The following OXR1 variants were observed in gnomAD, a reference collection of about 807,000 sequenced individuals.
The protein encoded by OXR1 is oxidation resistance protein 1.
Under a neutral mutation model 104.6 loss-of-function variants are expected in OXR1, and 41 were observed. The ratio of observed to expected loss-of-function variants is 0.39; its 90% CI spans 0.31 to 0.51. The LOEUF is 0.51. Among genes scored for constraint, OXR1 ranks in the 20% least tolerant of loss-of-function variants. The pLI is 0.77. For missense variants in OXR1, 955 were observed against 1,031.9 expected, an observed-to-expected ratio of 0.93 and a Z score of 1.02; for synonymous variants, 348 against 348.4, an observed-to-expected ratio of 1.00 and a Z score of 0.01.
At chr8:106,436,026 A>AT (rs1339616085) in intron 2 of OXR1, among the ~76,000 whole-genome samples, 4 of 152,036 alleles carry the variant, frequency 2.6e-5, no homozygotes, top group South Asian at 4.2e-4. Context: ...TCCACTTCAC[A>AT]TTTTTTTTCC....
chr8:106,647,864 T>C (rs1342890320), intron 3 of OXR1, among the ~76,000 whole-genome samples: 1 of 152,210 alleles, frequency 6.6e-6, no homozygotes, highest in Non-Finnish European at 1.5e-5. Context: ...TATTTTTTCA[T>C]TTTGTTCTTT....
intron 2 of OXR1, among the ~76,000 whole-genome samples, chr8:106,460,234 T>C (rs757137810): frequency 4.9e-4 from 74 of 152,322 alleles, no homozygotes; most frequent in Non-Finnish European, 8.5e-4. Context: ...AGAATCTCTT[T>C]ACACCTAGAA....
intron 3 of OXR1, among the ~76,000 whole-genome samples, chr8:106,583,212 C>T (rs531528341): frequency 6.6e-6 from 1 of 152,230 alleles, no homozygotes; most frequent in Admixed American, 6.5e-5. Context: ...ATTCCACTGA[C>T]TCGTGACTCT....
At chr8:106,576,474 A>AAG (rs1293222022) in intron 3 of OXR1, among the ~76,000 whole-genome samples, 1 of 149,824 alleles carries the variant, frequency 6.7e-6, no homozygotes, top group African/African-American at 2.5e-5. Context: ...TTCAAAAAAA[A>AAG]AAAAAAAAAA....
At chr8:106,297,620 T>C (rs1366681670) in intron 1 of OXR1, among the ~76,000 whole-genome samples, 2 of 152,198 alleles carry the variant, frequency 1.3e-5, no homozygotes, top group African/African-American at 4.8e-5. Flanking sequence ...AAACACAGTA[T>C]TATAATCTTA....
chr8:106,355,080 C>T (rs1815907781), intron 1 of OXR1, among the ~76,000 whole-genome samples: 1 of 151,906 alleles, frequency 6.6e-6, no homozygotes, highest in African/African-American at 2.4e-5. Context: ...AATGAGTGAC[C>T]TAAAGAGAAC....
At chr8:106,317,305 T>C (rs2130163266) in intron 1 of OXR1, among the ~76,000 whole-genome samples, 1 of 152,326 alleles carries the variant, frequency 6.6e-6, no homozygotes, top group South Asian at 2.1e-4. Flanking sequence ...TGTTTAGGGT[T>C]AGGATTTCCA....
At chr8:106,278,638 G>A (rs1327208660) in intron 1 of OXR1, among the ~76,000 whole-genome samples, 1 of 152,094 alleles carries the variant, frequency 6.6e-6, no homozygotes, top group Non-Finnish European at 1.5e-5. Flanking sequence ...AATGGACTAA[G>A]GATGCTTTCT....
intron 16 of OXR1, among the ~76,000 whole-genome samples, chr8:106,747,169 T>C (rs764885300): frequency 1.4e-4 from 22 of 152,168 alleles, no homozygotes; most frequent in Non-Finnish European, 2.8e-4. Flanking sequence ...CCAATAGACA[T>C]GATTCAGATT....
chr8:106,606,406 T>A (rs1387814915), intron 3 of OXR1, among the ~76,000 whole-genome samples: 1 of 151,790 alleles, frequency 6.6e-6, no homozygotes, highest in South Asian at 2.1e-4. Flanking sequence ...GTCCAAGTGA[T>A]TTTCCTTCCT....
At chr8:106,710,980 A>T (rs1424652746) in intron 10 of OXR1, among the ~76,000 whole-genome samples, 190 bp downstream of exon 10, 1 of 152,056 alleles carries the variant, frequency 6.6e-6, no homozygotes, top group Non-Finnish European at 1.5e-5. Flanking sequence ...TCCCTTTTGT[A>T]GTTTATTATT....
At chr8:106,597,195 G>A (rs1308478555) in intron 3 of OXR1, among the ~76,000 whole-genome samples, 2 of 152,134 alleles carry the variant, frequency 1.3e-5, no homozygotes, top group Non-Finnish European at 2.9e-5. Context: ...ACCCCAAGAC[G>A]ATGCTGTTCA....
At chr8:106,272,556 G>A (rs1185267049) in intron 1 of OXR1, 1 of 152,222 alleles carries the variant, frequency 6.6e-6, no homozygotes, top group Non-Finnish European at 1.5e-5. Flanking sequence ...AACTGTTGGG[G>A]ACAGTGGCAC....
At chr8:106,270,699 C>A (rs1276012428) in intron 1 of OXR1, among the ~76,000 whole-genome samples, 3 of 149,044 alleles carry the variant, frequency 2.0e-5, no homozygotes, top group African/African-American at 2.6e-5. Context: ...GCGCGGGAGC[C>A]CGGCCAGGGA....
intron 2 of OXR1, among the ~76,000 whole-genome samples, chr8:106,455,268 A>T (rs1276574367): frequency 6.6e-6 from 1 of 152,246 alleles, no homozygotes; most frequent in East Asian, 1.9e-4. Flanking sequence ...ACAAATAAAA[A>T]GCTCACTAAC....
chr8:106,684,043 C>G (rs575188607), intron 5 of OXR1, among the ~76,000 whole-genome samples: 2 of 152,208 alleles, frequency 1.3e-5, no homozygotes, highest in South Asian at 4.1e-4. Flanking sequence ...TTTCCTCACC[C>G]TATTCCAGCC....
intron 3 of OXR1, chr8:106,658,236 T>C: frequency 8.1e-7 from 1 of 1,230,246 alleles, no homozygotes. Flanking sequence ...GGCTGAGGGC[T>C]GTGGGGAGGC....
chr8:106,570,416 A>T (rs772358622), intron 3 of OXR1, among the ~76,000 whole-genome samples: 107 of 152,314 alleles, frequency 7.0e-4, no homozygotes, highest in Non-Finnish European at 8.4e-4. Flanking sequence ...GAAGTAACCA[A>T]CATGAACGAT....
At chr8:106,300,329 C>T (rs936401091) in intron 1 of OXR1, among the ~76,000 whole-genome samples, 1 of 151,898 alleles carries the variant, frequency 6.6e-6, no homozygotes, top group African/African-American at 2.4e-5. Context: ...TAATTTGAGT[C>T]CTGCATTTCC....
Sources: gnomAD v4.1 joint callset for allele counts (sites outside exome capture counted in the v4.1 genomes callset) on GRCh38, gnomAD v4.1.1 for gene constraint, MANE v1.5 for transcripts, NCBI Gene and HGNC (gene_info 2026-07-23, HGNC 2026-07-21) for gene names.